CUX2: variants seen among roughly 807,000 people sequenced by gnomAD.
The protein encoded by CUX2 is homeobox protein cut-like 2.
CUX2 carries 40 observed loss-of-function variants against 144.8 expected under a neutral mutation model. The observed-to-expected ratio is 0.28, with a 90% CI of 0.21 to 0.36. The LOEUF is 0.36. Among genes scored for constraint, CUX2 ranks in the 10% least tolerant of loss-of-function variants. The pLI, the probability that CUX2 is intolerant of heterozygous loss-of-function variation, is 1.00. For missense variants in CUX2, 1,615 were observed against 1,994.0 expected (o/e 0.81, Z 3.62); for synonymous variants, 827 against 875.6 (o/e 0.94, Z 0.98).
intron 1 of CUX2, among the ~76,000 whole-genome samples, chr12:111,139,986 G>T (rs756855373): frequency 9.9e-5 from 15 of 152,178 alleles, no homozygotes; most frequent in Non-Finnish European, 1.8e-4. Context: ...GTGAAATGGG[G>T]ATATAAATGA....
intron 18 of CUX2, among the ~76,000 whole-genome samples, chr12:111,330,676 A>AATACATATACATATACAT (rs1565925959): frequency 3.7e-4 from 29 of 79,188 alleles, no homozygotes; most frequent in African/African-American, 1.2e-3. Flanking sequence ...TCTATTTAAA[A>AATACATATACATATACAT]ATACATATAC....
intron 2 of CUX2, among the ~76,000 whole-genome samples, chr12:111,215,004 CATAA>C (rs1881453837): frequency 1.3e-5 from 2 of 148,450 alleles, no homozygotes; most frequent in Admixed American, 1.3e-4. Flanking sequence ...TGAGAATAAA[CATAA>C]ATAGAGAAAA....
intron 4 of CUX2, among the ~76,000 whole-genome samples, chr12:111,273,258 T>G (rs1189324540): frequency 6.6e-6 from 1 of 152,166 alleles, no homozygotes; most frequent in Non-Finnish European, 1.5e-5. Context: ...ACTTTCTGTG[T>G]GTCAGGCAGT....
intron 1 of CUX2, among the ~76,000 whole-genome samples, chr12:111,100,278 G>A (rs1240963039): frequency 6.6e-6 from 1 of 152,032 alleles, no homozygotes; most frequent in African/African-American, 2.4e-5. Flanking sequence ...TGTCCAGCTC[G>A]ATGTATGCGT....
intron 1 of CUX2, among the ~76,000 whole-genome samples, chr12:111,125,180 AT>A (rs113174761): frequency 0.054 from 7,605 of 141,080 alleles, 456 homozygotes; most frequent in African/African-American, 0.17. Context: ...CTATTCTGGA[AT>A]TTTTTTTTTT....
At chr12:111,051,241 C>T (rs1288049706) in intron 1 of CUX2, among the ~76,000 whole-genome samples, 1 of 152,164 alleles carries the variant, frequency 6.6e-6, no homozygotes, top group Admixed American at 6.5e-5. Flanking sequence ...GGTCACTGCC[C>T]TCTGTTCTTG....
At position 111,271,079 on chromosome 12, in the gene CUX2, C is replaced by T. The variant is rs78850437; in HGVS notation, c.301+7240C>T. Among the ~76,000 whole-genome samples the T allele has an allele frequency of 3.6e-3, 550 of 152,304 alleles. 1 individual carries two copies. The highest frequency in any genetic ancestry group is 0.013 in the African/African-American group (525 of 41,564). ...GCAGCCCATTGACATCAGGGTATAA[C>T]AGTTATAGGAGTGACAAGCGTCTGC... On this transcript the variant is annotated intron_variant, in intron 4 of 21. Coordinates refer to ENST00000261726, the MANE Select transcript of CUX2 (RefSeq NM_015267.4).
intron 1 of CUX2, among the ~76,000 whole-genome samples, chr12:111,168,427 T>G (rs74850446): frequency 0.02 from 3,036 of 152,334 alleles, 100 homozygotes; most frequent in African/African-American, 0.07. Flanking sequence ...CTTATTGATC[T>G]GATGGGTGGG....
chr12:111,271,396 A>G (rs1044474247), intron 4 of CUX2, among the ~76,000 whole-genome samples: 1 of 152,086 alleles, frequency 6.6e-6, no homozygotes, highest in Non-Finnish European at 1.5e-5. Context: ...TACCGTTTTG[A>G]ATTGTTTCCT....
intron 1 of CUX2, among the ~76,000 whole-genome samples, chr12:111,093,808 C>T (rs1269216818): frequency 6.6e-6 from 1 of 152,202 alleles, no homozygotes; most frequent in Non-Finnish European, 1.5e-5. Flanking sequence ...ATAATTTTGC[C>T]CTGGCGATGG....
chr12:111,327,798 T>C (rs1219204457), intron 18 of CUX2, among the ~76,000 whole-genome samples: 2 of 152,188 alleles, frequency 1.3e-5, no homozygotes, highest in African/African-American at 4.8e-5. Flanking sequence ...GCGTCACACC[T>C]GTAGTCCCAG....
rs116273531 is a variant in CUX2, at chr12:111,138,123, C to T, written c.64-76077C>T. Among the ~76,000 whole-genome samples, 657 of 152,310 alleles carry T rather than the reference C, an allele frequency of 4.3e-3. 5 individuals carry two copies. The highest frequency in any genetic ancestry group is 0.015 in the African/African-American group (610 of 41,542). ...CCCTCCCACAGAGGATCTGCCACTGCCAGGCTGGCCGAGGGGAGGGGCTTG... is the reference window on the plus strand; with the variant it reads ...CCCTCCCACAGAGGATCTGCCACTGTCAGGCTGGCCGAGGGGAGGGGCTTG... On this transcript the variant is annotated intron_variant, in intron 1 of 21. Transcript: ENST00000261726.
At chr12:111,082,944 G>T (rs1443406914) in intron 1 of CUX2, among the ~76,000 whole-genome samples, 1 of 152,022 alleles carries the variant, frequency 6.6e-6, no homozygotes, top group Non-Finnish European at 1.5e-5. Flanking sequence ...GGAGGAGGAG[G>T]TGTTCTGAGC....
At chr12:111,081,958 G>T (rs932863821) in intron 1 of CUX2, among the ~76,000 whole-genome samples, 1 of 152,152 alleles carries the variant, frequency 6.6e-6, no homozygotes, top group African/African-American at 2.4e-5. Flanking sequence ...TCAGGAGTTG[G>T]CATATAAATG....
At chr12:111,237,690 G>A (rs1056785143) in intron 3 of CUX2, among the ~76,000 whole-genome samples, 12 of 151,982 alleles carry the variant, frequency 7.9e-5, no homozygotes, top group African/African-American at 1.9e-4. Flanking sequence ...CCAGACCTCC[G>A]GCCACCACCT....
intron 1 of CUX2, among the ~76,000 whole-genome samples, chr12:111,173,938 G>A (rs1385391867): frequency 2.0e-5 from 3 of 152,154 alleles, no homozygotes; most frequent in East Asian, 1.9e-4. Flanking sequence ...TTCAGGTAGC[G>A]GAAACTGCAC....
chr12:111,056,493 T>C lies in CUX2; in HGVS notation c.63+22253T>C, dbSNP rs1013416431. Among the ~76,000 whole-genome samples, 4 of 152,256 alleles carry C rather than the reference T, an allele frequency of 2.6e-5. No homozygotes were observed. The South Asian group carries it at 8.3e-4, about 32-fold the overall frequency. On this transcript the variant is annotated intron_variant, in intron 1 of 21. Coordinates refer to ENST00000261726, the MANE Select transcript of CUX2 (RefSeq NM_015267.4). ...TGTGGGAACCCCAGTTTATGGCCTC[T>C]CTGCAGGGTCTCTCTGTGTGTTCTC...
rs930333535 is a variant in CUX2 at position 111,039,853 on chromosome 12, C to G, written c.63+5613C>G. Among the ~76,000 whole-genome samples the G allele has an allele frequency of 6.6e-6, 1 of 152,208 alleles. No individual in the cohort carries two copies. The highest frequency in any genetic ancestry group is 3.4e-3 in the Middle Eastern group (1 of 294). Reference sequence around the variant, plus strand: ...CCTCCCCTTCTTTCTCCATCATGGTCGTGGTGGTGGGGCTATTGACCTTTT... The same window carrying G: ...CCTCCCCTTCTTTCTCCATCATGGTGGTGGTGGTGGGGCTATTGACCTTTT... On this transcript the variant is annotated intron_variant, in intron 1 of 21. Transcript: ENST00000261726. The surrounding 1 kb of genome is among the most constrained non-coding windows in gnomAD (Gnocchi z 4.2).
At chr12:111,086,775 G>GGTTT (rs1872247253) in intron 1 of CUX2, among the ~76,000 whole-genome samples, 1 of 152,142 alleles carries the variant, frequency 6.6e-6, no homozygotes, top group Non-Finnish European at 1.5e-5. Flanking sequence ...GATTAAAAGT[G>GGTTT]ATGAGGCACA....
Sources: gnomAD v4.1 joint callset for allele counts (sites outside exome capture counted in the v4.1 genomes callset) on GRCh38, gnomAD v4.1.1 for gene constraint, Gnocchi (gnomAD v3.1) non-coding constraint, MANE v1.5 for transcripts, NCBI Gene and HGNC (gene_info 2026-07-23, HGNC 2026-07-21) for gene names.